ROBO2: variants seen among roughly 807,000 people sequenced by gnomAD.
The protein encoded by ROBO2 is roundabout guidance receptor 2, also known as roundabout homolog 2.
A neutral mutation model predicts 160.8 loss-of-function variants in ROBO2; 53 were observed. The observed-to-expected ratio is 0.33, with a 90% CI of 0.26 to 0.41. ROBO2 has a LOEUF of 0.41. Ranked by LOEUF, ROBO2 falls within the 10% of genes least tolerant of loss-of-function variation. The probability of loss-of-function intolerance (pLI) is 1.00; values close to 1 mark genes in which losing one functional copy is unlikely to be tolerated. For synonymous variants in ROBO2, 664 were observed against 611.7 expected (o/e 1.09, Z -1.26); for missense variants, 1,577 against 1,722.4 (o/e 0.92, Z 1.49).
rs181330922 is a variant in ROBO2, at chr3:77,495,071, A to G, written c.806+1689A>G. On this transcript the variant is annotated intron_variant, in intron 5 of 25. Transcript: ENST00000461745. ...AAACAAGGAGAGTTTACACTATTGAATTGTTACTGTCCATCCTCTATATAT... is the reference window on the plus strand; with the variant it reads ...AAACAAGGAGAGTTTACACTATTGAGTTGTTACTGTCCATCCTCTATATAT... Among the ~76,000 whole-genome samples, 39 of 152,318 alleles carry G rather than the reference A, an allele frequency of 2.6e-4. 1 individual carries two copies. The East Asian group carries it at 7.5e-3, about 29-fold the overall frequency.
intron 2 of ROBO2, among the ~76,000 whole-genome samples, chr3:76,747,123 G>A (rs1164902153): frequency 1.3e-5 from 2 of 152,072 alleles, no homozygotes; most frequent in Non-Finnish European, 2.9e-5. Context: ...ATGCGTGCAT[G>A]TATCTTTGTA....
intron 2 of ROBO2, among the ~76,000 whole-genome samples, chr3:76,163,493 C>A (rs1392032636): frequency 6.7e-6 from 1 of 148,572 alleles, no homozygotes; most frequent in Non-Finnish European, 1.5e-5. Flanking sequence ...CAATATATAA[C>A]TGTGTATTAT....
intron 22 of ROBO2, 43 bp downstream of exon 23, chr3:77,617,816 A>G (rs374969515): frequency 2.1e-5 from 33 of 1,604,008 alleles, no homozygotes; most frequent in South Asian, 1.7e-4. Flanking sequence ...CTTTCAACAC[A>G]TGGAAATTTT....
Position 76,976,414 on chromosome 3 carries a change from A to C in ROBO2, c.110-121600A>C, listed in dbSNP as rs986899769. ...ATTTTTGTTTGCTTTAATCGCTTAA[A>C]TGGGAAATGGGAAGTTTTTTACAAA... On this transcript the variant is annotated intron_variant, in intron 2 of 26. Coordinates refer to the ROBO2 transcript ENST00000487694. Among the ~76,000 whole-genome samples, 8 of 152,196 alleles carry C rather than the reference A, an allele frequency of 5.3e-5. No individual in the cohort carries two copies. In the East Asian group the frequency reaches 1.5e-3, roughly 29 times the overall value.
intron 2 of ROBO2, among the ~76,000 whole-genome samples, chr3:76,077,959 T>C (rs539202721): frequency 3.9e-5 from 6 of 152,190 alleles, no homozygotes; most frequent in Non-Finnish European, 7.4e-5. Flanking sequence ...AATTTCCTCA[T>C]TTCTTAGAAT....
At chr3:77,518,770 A>G (rs1243313690) in intron 5 of ROBO2, among the ~76,000 whole-genome samples, 3 of 151,558 alleles carry the variant, frequency 2.0e-5, no homozygotes, top group African/African-American at 7.3e-5. Flanking sequence ...AGAAATTAAA[A>G]GATGACAATG....
At chr3:77,357,358 G>T (rs995472571) in intron 2 of ROBO2, among the ~76,000 whole-genome samples, 2 of 152,046 alleles carry the variant, frequency 1.3e-5, no homozygotes, top group African/African-American at 2.4e-5. Context: ...GGATGAGTTC[G>T]GCTGGCCCCT....
chr3:76,911,882 T>A (rs2076012806), intron 2 of ROBO2, among the ~76,000 whole-genome samples: 1 of 152,002 alleles, frequency 6.6e-6, no homozygotes. Flanking sequence ...CAGGCAAATA[T>A]GACTTGAGCC....
intron 2 of ROBO2, among the ~76,000 whole-genome samples, chr3:76,368,926 C>G (rs1156521202): frequency 6.6e-6 from 1 of 151,936 alleles, no homozygotes; most frequent in Admixed American, 6.6e-5. Flanking sequence ...ATTCCCTTCC[C>G]CAATGTACTG....
At chr3:76,857,796 T>A (rs2070295203) in intron 2 of ROBO2, among the ~76,000 whole-genome samples, 1 of 152,208 alleles carries the variant, frequency 6.6e-6, no homozygotes, top group Non-Finnish European at 1.5e-5. Flanking sequence ...TCACGGCTTT[T>A]AGCATAAAAT....
chr3:76,982,437 A>G (rs1392369326), intron 2 of ROBO2, among the ~76,000 whole-genome samples: 1 of 152,154 alleles, frequency 6.6e-6, no homozygotes, highest in Non-Finnish European at 1.5e-5. Context: ...CTGCAATTTT[A>G]TCCTAATGCC....
intron 2 of ROBO2, among the ~76,000 whole-genome samples, chr3:76,433,676 G>C (rs189868560): frequency 2.0e-5 from 3 of 152,160 alleles, no homozygotes; most frequent in Non-Finnish European, 4.4e-5. Context: ...ATTGAACAAA[G>C]ATGTATATGT....
chr3:77,044,405 T>G (rs2064417002), intron 1 of ROBO2, among the ~76,000 whole-genome samples: 1 of 152,188 alleles, frequency 6.6e-6, no homozygotes, highest in Non-Finnish European at 1.5e-5. Context: ...CCATGTGCAA[T>G]TTGGTTTTCG....
rs116042258 is a variant in ROBO2, at chr3:77,424,746, C to T, written c.389-52668C>T. On this transcript the variant is annotated intron_variant, in intron 2 of 25. Transcript: ENST00000461745. ...AGTTTGGTTCTTTTTTGTATATGAA[C>T]ACTGCGTGCCCGTGTATGCGTGTGA... Among the ~76,000 whole-genome samples the T allele has an allele frequency of 1.7e-3, 255 of 152,100 alleles. 2 individuals are homozygous for T. The highest frequency in any genetic ancestry group is 5.9e-3 in the African/African-American group (246 of 41,494).
intron 2 of ROBO2, among the ~76,000 whole-genome samples, chr3:76,171,675 C>A (rs1444037954): frequency 6.6e-6 from 1 of 151,448 alleles, no homozygotes; most frequent in Admixed American, 6.6e-5. Context: ...ATGCGTAAGA[C>A]CCAAAAGAAA....
rs115128094 is a variant in ROBO2 at position 77,579,935 on chromosome 3, C to A, written c.2329-12C>A. Reference sequence around the variant, plus strand: ...CTTATATCCATGTGTTATTCACTTTCCATTTCTGTAGATCTGGTGTCTAGG... The same window carrying A: ...CTTATATCCATGTGTTATTCACTTTACATTTCTGTAGATCTGGTGTCTAGG... On this transcript the variant is annotated splice_polypyrimidine_tract_variant and intron_variant, in intron 15 of 25. Transcript: ENST00000461745. The A allele has an allele frequency of 2.0e-4, 327 of 1,611,094 alleles. No homozygotes were observed. In the African/African-American group the frequency reaches 3.8e-3, roughly 19 times the overall value.
chr3:77,092,181 A>G (rs1220165467), intron 1 of ROBO2: 34 of 152,010 alleles, frequency 2.2e-4, no homozygotes, highest in Admixed American at 2.2e-3. Context: ...GATGATTCTG[A>G]TGCAGGCAGT....
intron 2 of ROBO2, among the ~76,000 whole-genome samples, chr3:76,733,286 A>C (rs774599): frequency 0.17 from 25,467 of 152,212 alleles, 2,426 homozygotes; most frequent in Non-Finnish European, 0.22. Flanking sequence ...CAACTGAACA[A>C]ATTCAAATGT....
intron 2 of ROBO2, among the ~76,000 whole-genome samples, chr3:76,627,412 A>G (rs528954687): frequency 6.6e-6 from 1 of 152,184 alleles, no homozygotes; most frequent in Non-Finnish European, 1.5e-5. Flanking sequence ...AGGGATAAAG[A>G]TAACTGTTTA....
Sources: allele counts gnomAD v4.1 joint callset (sites outside exome capture counted in the v4.1 genomes callset), GRCh38; gene constraint gnomAD v4.1.1; transcripts MANE v1.5; gene names NCBI Gene and HGNC (gene_info 2026-07-23, HGNC 2026-07-21).